Variants in BCL11B observed in about 807,000 individuals in gnomAD.
BCL11B encodes B-cell lymphoma/leukemia 11B.
In BCL11B, 8 loss-of-function variants were observed where a neutral mutation model predicts 49.9. The observed-to-expected ratio is 0.16, with a 90% CI of 0.09 to 0.29. BCL11B has a LOEUF of 0.29. BCL11B is among the 10% of genes least tolerant of loss of function. The pLI, the probability that BCL11B is intolerant of heterozygous loss-of-function variation, is 1.00. For synonymous variants in BCL11B, 739 were observed against 637.4 expected, an observed-to-expected ratio of 1.16 and a Z score of -2.40; for missense variants, 1,006 against 1,351.0, an observed-to-expected ratio of 0.74 and a Z score of 4.00.
chr14:99,174,548 C>T lies in BCL11B; in HGVS notation c.2288G>A (p.Gly763Asp). ...STPPGDLLDG[G>D]LSGRSGTASG... is the part of the protein sequence containing the mutation. The stretch of plus-strand genomic sequence containing the variant: ...GGCCGTGCCGCTGCGGCCCGAGAGG[C>T]CGCCGTCCAGCAGGTCCCCGGGCGG... The change falls in exon 4 of 4, where the codon GGC becomes GAC. Residue 763 changes from glycine to aspartate, a missense_variant. This residue lies in a region of BCL11B where 443 missense variants were observed against 499.7 expected (regional missense o/e 0.89). Transcript: ENST00000357195. 6.6e-7 allele frequency: 1 copy of T among 1,511,544 alleles called. No individual in the cohort carries two copies. The highest frequency in any genetic ancestry group is 8.8e-7 in the Non-Finnish European group (1 of 1,132,310). The allele number at this position is 1,511,544 out of a possible 1,614,324, so 93.6% of individuals were successfully genotyped here. A position where few individuals can be genotyped will look rare whatever the true frequency, so the allele number is the denominator to read the frequency against.
chr14:99,176,272 GCCTGGGGGACGCGGCCCGGGC>G (rs1886526763), intron 3 of BCL11B, 77 bp from the exon 4 acceptor site: 1 of 1,374,848 alleles, frequency 7.3e-7, no homozygotes, highest in Admixed American at 2.1e-5. Context: ...AGGGCCACTG[GCCTGGGGGACGCGGCCCGGGC>G]TGATCCGGGA....
rs563281218 is a variant in BCL11B, at chr14:99,244,229, T to C, written c.428-12672A>G. Among the ~76,000 whole-genome samples the C allele has an allele frequency of 3.3e-5, 5 of 152,214 alleles. No individual in the cohort carries two copies. In the South Asian group the frequency reaches 1.0e-3, roughly 32 times the overall value. ...AATGAAAAGTCAGCCTCTCCCTCAGTGTACCAGCCAATACTTCAGCCAACC... is the reference window on the plus strand; with the variant it reads ...AATGAAAAGTCAGCCTCTCCCTCAGCGTACCAGCCAATACTTCAGCCAACC... On this transcript the variant is annotated intron_variant, in intron 2 of 3. Transcript: ENST00000357195.
In BCL11B at chr14:99,175,594, A is replaced by C. The variant is rs774691147; in HGVS notation, c.1242T>G (p.Pro414=). The change falls in exon 4 of 4, where the codon CCT becomes CCG. Residue 414 remains proline (P), a synonymous_variant. Transcript: ENST00000357195. ...LSTPPLPPMP[P]GGTPPPQPPA... ...GCGGCTGCGGGGGCGGCGTGCCGCC[A>C]GGGGGCATGGGCGGCAGCGGCGGCG... The C allele has an allele frequency of 6.3e-7, 1 of 1,577,374 alleles. No homozygotes were observed. The highest frequency in any genetic ancestry group is 1.1e-5 in the South Asian group (1 of 87,482).
chr14:99,268,925 G>A (rs1018507647), intron 1 of BCL11B, among the ~76,000 whole-genome samples: 1 of 152,078 alleles, frequency 6.6e-6, no homozygotes, highest in Non-Finnish European at 1.5e-5. Context: ...GCGAGACAGG[G>A]AACAAATGAA....
chr14:99,254,716 C>T (rs1312287762), intron 2 of BCL11B, among the ~76,000 whole-genome samples: 1 of 152,226 alleles, frequency 6.6e-6, no homozygotes, highest in Non-Finnish European at 1.5e-5. Context: ...GAGGCAGAAG[C>T]CTGGAGGGAC....
chr14:99,224,008 G>A (rs1888089724), intron 3 of BCL11B, among the ~76,000 whole-genome samples: 1 of 152,218 alleles, frequency 6.6e-6, no homozygotes, highest in Non-Finnish European at 1.5e-5. Context: ...CCCCACCACG[G>A]TGAGTTCCTC....
chr14:99,199,677 T>TGTGC (rs1566806551), intron 3 of BCL11B, among the ~76,000 whole-genome samples: 1 of 112,110 alleles, frequency 8.9e-6, no homozygotes, highest in East Asian at 2.7e-4. Flanking sequence ...TGTGTGTGTG[T>TGTGC]GTGTGTGCGC....
At chr14:99,216,443 C>T (rs1297534582) in intron 3 of BCL11B, among the ~76,000 whole-genome samples, 1 of 152,224 alleles carries the variant, frequency 6.6e-6, no homozygotes, top group East Asian at 1.9e-4. Context: ...TTGAACCCAG[C>T]CGTCCACTTC....
chr14:99,271,115 C>G (rs371600503), intron 1 of BCL11B, 46 bp downstream of exon 1: 26 of 1,509,598 alleles, frequency 1.7e-5, no homozygotes, highest in East Asian at 2.8e-5. Context: ...CCCAGACGCC[C>G]GGAGCCCCAT....
At position 99,213,610 on chromosome 14, in the gene BCL11B, G is replaced by A. The variant is rs1008618831; in HGVS notation, c.640+17735C>T. ...AAAGTACAAATGCAGAACCCCAGCC[G>A]GTGCCTGTCTCCCACACTCCCGGAC... On this transcript the variant is annotated intron_variant, in intron 3 of 3. Coordinates refer to ENST00000357195, the MANE Select transcript of BCL11B (RefSeq NM_138576.4). This position sits in a 1 kb window ranked among gnomAD's most constrained non-coding sequence, Gnocchi z 5.1. Among the ~76,000 whole-genome samples the A allele has an allele frequency of 2.0e-5, 3 of 152,132 alleles. No individual in the cohort carries two copies. Among genetic ancestry groups the A allele is most frequent in the African/African-American group, 7.2e-5 (3 of 41,434 alleles).
intron 1 of BCL11B, among the ~76,000 whole-genome samples, chr14:99,263,534 C>T (rs1050956613): frequency 1.3e-5 from 2 of 152,218 alleles, no homozygotes; most frequent in Admixed American, 1.3e-4. Flanking sequence ...CACTCCCATA[C>T]CTTCTGGTCT....
intron 1 of BCL11B, among the ~76,000 whole-genome samples, chr14:99,270,823 C>T (rs1889652511): frequency 6.7e-6 from 1 of 149,496 alleles, no homozygotes; most frequent in East Asian, 2.0e-4. Flanking sequence ...GCCGCCGCCA[C>T]ACACGCCGCT....
At position 99,257,351 on chromosome 14, in the gene BCL11B, G is replaced by A. The variant is rs1226655824; in HGVS notation, c.427+120C>T. ...CCTCAGAAAGGGGGAGCCCCGGCTG[G>A]TGGCCCAGAGGCCATCCTGGAAGCC... On this transcript the variant is annotated intron_variant, in intron 2 of 3. Transcript: ENST00000357195. This position sits in a 1 kb window ranked among gnomAD's most constrained non-coding sequence, Gnocchi z 6.2. The A allele has an allele frequency of 3.0e-6, 4 of 1,321,886 alleles. No homozygotes were observed. Among genetic ancestry groups the A allele is most frequent in the Non-Finnish European group, 1.0e-6 (1 of 994,374 alleles). 81.9% of individuals were successfully genotyped at this position (1,321,886 alleles called of 1,614,324 possible). A position where few individuals can be genotyped will look rare whatever the true frequency, so the allele number is the denominator to read the frequency against.
rs781691721 is a variant in BCL11B, at chr14:99,175,863, G to C, written c.973C>G (p.Leu325Val). 1 of 1,477,468 alleles carries C rather than the reference G, an allele frequency of 6.8e-7. No homozygotes were observed. Among genetic ancestry groups the C allele is most frequent in the Non-Finnish European group, 8.9e-7 (1 of 1,119,510 alleles). The allele number at this position is 1,477,468 out of a possible 1,614,324, so 91.5% of individuals were successfully genotyped here. Residue 325 changes from leucine to valine, a missense_variant, in exon 4 of 4, where the codon CTG becomes GTG. By Grantham distance (32) the Leu-to-Val change is conservative. This residue lies in a region of BCL11B where 411 missense variants were observed against 542.2 expected (regional missense o/e 0.76). Coordinates refer to ENST00000357195, the MANE Select transcript of BCL11B (RefSeq NM_138576.4). ...PLFSPPPRHH[L>V]DPHRLSAEEM... The stretch of plus-strand genomic sequence containing the variant: ...TCGGCACTGAGGCGGTGCGGGTCCA[G>C]GTGGTGGCGCGGCGGGGGACTGAAG...
rs1235321744 is a variant in BCL11B at position 99,189,567 on chromosome 14, A to G, written c.641-13372T>C. Among the ~76,000 whole-genome samples the G allele has an allele frequency of 2.0e-5, 3 of 152,230 alleles. No individual in the cohort carries two copies. The East Asian group carries it at 5.8e-4, about 29-fold the overall frequency. On this transcript the variant is annotated intron_variant, in intron 3 of 3. Coordinates refer to ENST00000357195, the MANE Select transcript of BCL11B (RefSeq NM_138576.4). Reference sequence around the variant, plus strand: ...ACGCTCCTAACACGGCCCTCTCCAGACACCAACACCCCAGCATGGCGGCTA... The same window carrying G: ...ACGCTCCTAACACGGCCCTCTCCAGGCACCAACACCCCAGCATGGCGGCTA...
At chr14:99,222,782 G>T (rs563342600) in intron 3 of BCL11B, among the ~76,000 whole-genome samples, 2 of 152,192 alleles carry the variant, frequency 1.3e-5, no homozygotes, top group East Asian at 3.9e-4. Flanking sequence ...AACCCCTGTA[G>T]ATCTCCCAAC....
At chr14:99,252,679 C>T (rs1889042300) in intron 2 of BCL11B, among the ~76,000 whole-genome samples, 1 of 152,270 alleles carries the variant, frequency 6.6e-6, no homozygotes, top group Admixed American at 6.5e-5. Context: ...AGGGATCTGC[C>T]ACCTCCTGTC....
intron 2 of BCL11B, among the ~76,000 whole-genome samples, chr14:99,256,619 C>T (rs370452300): frequency 6.6e-5 from 10 of 152,156 alleles, no homozygotes; most frequent in East Asian, 1.9e-4. Context: ...CAGAGAGCAG[C>T]GGCTCCCTGG....
At chr14:99,244,234 C>T (rs916891987) in intron 2 of BCL11B, among the ~76,000 whole-genome samples, 5 of 152,070 alleles carry the variant, frequency 3.3e-5, no homozygotes, top group African/African-American at 1.2e-4. Flanking sequence ...CTCAGTGTAC[C>T]AGCCAATACT....
Sources: gnomAD v4.1 joint callset for allele counts (sites outside exome capture counted in the v4.1 genomes callset) on GRCh38, gnomAD v4.1.1 for gene constraint, gnomAD v4.1.1 regional missense constraint, Gnocchi (gnomAD v3.1) non-coding constraint, MANE v1.5 for transcripts, NCBI Gene and HGNC (gene_info 2026-07-23, HGNC 2026-07-21) for gene names.